PIAS2: variants seen among roughly 807,000 people sequenced by gnomAD.
The protein encoded by PIAS2 is E3 SUMO-protein ligase PIAS2.
Under a neutral mutation model 69.7 loss-of-function variants are expected in PIAS2, and 19 were observed. The ratio of observed to expected loss-of-function variants is 0.27; its 90% CI spans 0.19 to 0.40. The LOEUF (loss-of-function observed/expected upper bound fraction) is 0.40. Ranked by LOEUF, PIAS2 falls within the 10% of genes least tolerant of loss-of-function variation. The pLI is 1.00. For missense variants in PIAS2, 624 were observed against 757.0 expected, an observed-to-expected ratio of 0.82 and a Z score of 2.06; for synonymous variants, 261 against 263.2, an observed-to-expected ratio of 0.99 and a Z score of 0.08.
intron 12 of PIAS2, chr18:46,817,792 T>C (rs2041717960): frequency 1.3e-5 from 12 of 953,446 alleles, no homozygotes; most frequent in African/African-American, 3.5e-5. Context: ...TATGGTATTT[T>C]AGATGTTATT....
At chr18:46,917,148 G>GCCGGCCCGCTCCCCTCCC (rs1318172563) in intron 1 of PIAS2, 174 bp downstream of exon 1, 25 of 1,041,756 alleles carry the variant, frequency 2.4e-5, no homozygotes, top group Non-Finnish European at 2.8e-5. Context: ...CGTGCCCTCC[G>GCCGGCCCGCTCCCCTCCC]CCGGCCCGCT....
chr18:46,817,330 C>T, intron 12 of PIAS2: 1 of 981,350 alleles, frequency 1.0e-6, no homozygotes, highest in African/African-American at 1.7e-5. Flanking sequence ...TCAACTATTT[C>T]AATTTCAGAA....
Position 46,807,379 on chromosome 18 carries a change from ATATATTTTTTTTTTTTT to A in PIAS2, c.*5037_*5053del, listed in dbSNP as rs1336730184. 26 of 25,596 alleles carry A rather than the reference ATATATTTTTTTTTTTTT, an allele frequency of 1.0e-3. No individual in the cohort carries two copies. The highest frequency in any genetic ancestry group is 1.4e-3 in the Non-Finnish European group (21 of 14,976). The allele number at this position is 25,596 out of a possible 1,614,324, so 1.6% of individuals were successfully genotyped here. ...TTTATATATATATATATATATATAT[ATATATTTTTTTTTTTTT>A]TTTTTTTTTTTTTTAGAGAGTCTTG... is the stretch of plus-strand genomic sequence containing the variant. On this transcript the variant is annotated 3_prime_UTR_variant, in exon 14 of 14. Coordinates refer to ENST00000585916, the MANE Select transcript of PIAS2 (RefSeq NM_004671.5).
chr18:46,855,095 T>C (rs1266603038), intron 5 of PIAS2, among the ~76,000 whole-genome samples: 2 of 128,262 alleles, frequency 1.6e-5, no homozygotes, highest in Admixed American at 1.6e-4. Context: ...AGTAGGACCT[T>C]GTCTCTTTAA....
chr18:46,804,972 G>C lies in PIAS2; in HGVS notation c.*7461C>G, dbSNP rs531598419. 1 of 152,364 alleles carries C rather than the reference G, an allele frequency of 6.6e-6. No individual in the cohort carries two copies. Among genetic ancestry groups the C allele is most frequent in the South Asian group, 2.1e-4 (1 of 4,824 alleles). 9.4% of individuals were successfully genotyped at this position (152,364 alleles called of 1,614,324 possible). ...GAAGGTCCTGAAGATGACAGGAGGA[G>C]ACCAGAGTCAGTTGGCCTTAAAGGC... On this transcript the variant is annotated 3_prime_UTR_variant, in exon 14 of 14. Transcript: ENST00000585916.
intron 8 of PIAS2, among the ~76,000 whole-genome samples, chr18:46,843,194 A>T (rs2045677284): frequency 6.6e-6 from 1 of 152,216 alleles, no homozygotes; most frequent in Non-Finnish European, 1.5e-5. Flanking sequence ...CAGGTTTGCT[A>T]AGACAGTTAA....
intron 6 of PIAS2, 68 bp from the exon 7 acceptor site, chr18:46,844,907 C>A: frequency 1.7e-6 from 1 of 595,026 alleles, no homozygotes; most frequent in South Asian, 3.4e-5. Flanking sequence ...ACATGAAATA[C>A]TTATTTAAGA....
intron 8 of PIAS2, 62 bp from the exon 9 acceptor site, chr18:46,836,579 T>C (rs2044463877): frequency 5.5e-6 from 7 of 1,265,084 alleles, no homozygotes; most frequent in South Asian, 4.6e-5. Flanking sequence ...AGAGGGAACA[T>C]GGTCAGTTGT....
chr18:46,869,741 C>T (rs1405816664), intron 2 of PIAS2, among the ~76,000 whole-genome samples: 1 of 152,172 alleles, frequency 6.6e-6, no homozygotes, highest in Non-Finnish European at 1.5e-5. Context: ...ATTTGGACCA[C>T]AGAGCTCATC....
chr18:46,911,454 G>A (rs947770605), intron 1 of PIAS2, among the ~76,000 whole-genome samples: 12 of 152,178 alleles, frequency 7.9e-5, no homozygotes, highest in Middle Eastern at 3.4e-3. Context: ...GACCTGAGGC[G>A]ATCCGCCTGC....
At chr18:46,902,911 A>G (rs1216545996) in intron 1 of PIAS2, among the ~76,000 whole-genome samples, 1 of 152,178 alleles carries the variant, frequency 6.6e-6, no homozygotes, top group Non-Finnish European at 1.5e-5. Context: ...ACAGACATAT[A>G]CATACATACC....
chr18:46,867,154 T>C (rs1466662973), intron 2 of PIAS2, among the ~76,000 whole-genome samples: 1 of 152,210 alleles, frequency 6.6e-6, no homozygotes. Context: ...AACAGACATA[T>C]TCTCGGTGTG....
chr18:46,883,156 G>A (rs1051706267), intron 2 of PIAS2, among the ~76,000 whole-genome samples: 9 of 150,618 alleles, frequency 6.0e-5, no homozygotes, highest in South Asian at 2.1e-4. Context: ...TAACACAAGC[G>A]GAGAAAAAAT....
At chr18:46,889,983 T>G (rs2053811572) in intron 2 of PIAS2, among the ~76,000 whole-genome samples, 1 of 152,230 alleles carries the variant, frequency 6.6e-6, no homozygotes, top group Non-Finnish European at 1.5e-5. Flanking sequence ...TCTTTAAAAA[T>G]GTATACTATT....
At chr18:46,859,272 C>CA (rs2048299778) in intron 3 of PIAS2, among the ~76,000 whole-genome samples, 1 of 151,654 alleles carries the variant, frequency 6.6e-6, no homozygotes, top group African/African-American at 2.4e-5. Context: ...ACTAAAAATA[C>CA]AAAAAATTAG....
At chr18:46,826,781 C>T (rs999392264) in intron 11 of PIAS2, 1 of 152,004 alleles carries the variant, frequency 6.6e-6, no homozygotes, top group Non-Finnish European at 1.5e-5. Context: ...AAATATATGC[C>T]TTTAATATAT....
chr18:46,891,492 G>A (rs2054071373), intron 1 of PIAS2, among the ~76,000 whole-genome samples: 1 of 152,212 alleles, frequency 6.6e-6, no homozygotes, highest in African/African-American at 2.4e-5. Context: ...AATGTTAGAT[G>A]TGTAACTTTT....
At position 46,912,481 on chromosome 18, in the gene PIAS2, T is replaced by C. The variant is rs956369811; in HGVS notation, c.24+4841A>G. Among the ~76,000 whole-genome samples, 8 of 152,176 alleles carry C rather than the reference T, an allele frequency of 5.3e-5. 1 individual carries two copies. Among genetic ancestry groups the C allele is most frequent in the Admixed American group, 2.0e-4 (3 of 15,270 alleles). ...CTGAATATTTTTGATCCAAGGTTGG[T>C]TGAAACCAAAGATAAGTCATTCACA... is the stretch of plus-strand genomic sequence containing the variant. On this transcript the variant is annotated intron_variant, in intron 1 of 13. Transcript: ENST00000585916.
chr18:46,812,385 G>T lies in PIAS2; in HGVS notation c.*48C>A. 1.4e-5 allele frequency: 15 copies of T among 1,086,488 alleles called. No homozygotes were observed. Among genetic ancestry groups the T allele is most frequent in the Non-Finnish European group, 1.9e-5 (14 of 752,800 alleles). 67.3% of individuals were successfully genotyped at this position (1,086,488 alleles called of 1,614,324 possible). A position where few individuals can be genotyped will look rare whatever the true frequency, so the allele number is the denominator to read the frequency against. ...ACGTTTCCACAGACTAGAGATCCAA[G>T]AAAAAGCAGTTCTGATGAATGATTC... On this transcript the variant is annotated 3_prime_UTR_variant, in exon 14 of 14. Coordinates refer to ENST00000585916, the MANE Select transcript of PIAS2 (RefSeq NM_004671.5).
Sources: gnomAD v4.1 joint callset for allele counts (sites outside exome capture counted in the v4.1 genomes callset) on GRCh38, gnomAD v4.1.1 for gene constraint, MANE v1.5 for transcripts, NCBI Gene and HGNC (gene_info 2026-07-23, HGNC 2026-07-21) for gene names.